PCBP2: variants seen among roughly 807,000 people sequenced by gnomAD.
PCBP2 encodes the protein poly(rC) binding protein 2.
A neutral mutation model predicts 50.1 loss-of-function variants in PCBP2; 4 were observed. The observed-to-expected ratio is 0.08, with a 90% CI of 0.04 to 0.18. The LOEUF is 0.18. Ranked by LOEUF, PCBP2 falls within the 10% of genes least tolerant of loss-of-function variation. PCBP2 has a pLI of 1.00. For missense variants in PCBP2, 161 were observed against 474.3 expected, an observed-to-expected ratio of 0.34 and a Z score of 6.14; for synonymous variants, 179 against 168.0, an observed-to-expected ratio of 1.07 and a Z score of -0.51.
chr12:53,478,020 TA>T (rs542165944), intron 14 of PCBP2, among the ~76,000 whole-genome samples: 58 of 152,336 alleles, frequency 3.8e-4, no homozygotes, highest in African/African-American at 1.4e-3. Flanking sequence ...ACTGAGTACT[TA>T]AATACTTTTC....
intron 2 of PCBP2, among the ~76,000 whole-genome samples, 200 bp from the exon 3 acceptor site, chr12:53,455,147 C>T (rs757277111): frequency 2.0e-5 from 3 of 152,158 alleles, no homozygotes; most frequent in Non-Finnish European, 2.9e-5. Flanking sequence ...CAAGTCCACT[C>T]CCCCCAATAA....
At chr12:53,452,960 C>A (rs1202994858) in intron 1 of PCBP2, 1 of 152,008 alleles carries the variant, frequency 6.6e-6, no homozygotes, top group Non-Finnish European at 1.5e-5. Context: ...CCGAGTTAAT[C>A]AGGACGTTTC....
rs1400076367 is a variant in PCBP2, at chr12:53,452,177, G to GCCCGCCCTCCGCCGCCCTCCA, written c.-267_-247dup. 6.7e-4 allele frequency: 19 copies of GCCCGCCCTCCGCCGCCCTCCA among 28,530 alleles called. No individual in the cohort carries two copies. The highest frequency in any genetic ancestry group is 1.2e-3 in the Non-Finnish European group (17 of 14,502). The allele number at this position is 28,530 out of a possible 1,614,324, so 1.8% of individuals were successfully genotyped here. On this transcript the variant is annotated 5_prime_UTR_variant, in exon 1 of 15. Coordinates refer to ENST00000546463, the MANE Select transcript of PCBP2 (RefSeq NM_031989.5). ...CCGCCCGCCCGCCCTCCGCCCGCCCGCCCGCCCTCCGCCGCCCTCCACCCG... is the reference window on the plus strand; with the variant it reads ...CCGCCCGCCCGCCCTCCGCCCGCCCGCCCGCCCTCCGCCGCCCTCCACCCGCCCTCCGCCGCCCTCCACCCG...
intron 13 of PCBP2, 87 bp downstream of exon 13, chr12:53,468,919 T>TG (rs1942002726): frequency 1.5e-6 from 1 of 660,478 alleles, no homozygotes; most frequent in African/African-American, 2.0e-5. Flanking sequence ...CTGCTACCCT[T>TG]TTTTTTTTTT....
In PCBP2 at chr12:53,459,279, G is replaced by A. The variant is rs1261657942; in HGVS notation, c.251G>A (p.Ser84Asn). 1 of 1,606,662 alleles carries A rather than the reference G, an allele frequency of 6.2e-7. No homozygotes were observed. Among genetic ancestry groups the A allele is most frequent in the Non-Finnish European group, 8.5e-7 (1 of 1,176,178 alleles). Residue 84 changes from serine (S) to asparagine (N), a missense_variant, in exon 6 of 15, where the codon AGC (serine) becomes AAC (asparagine). This residue lies in a region of PCBP2 where 24 missense variants were observed against 37.1 expected (regional missense o/e 0.65). Transcript: ENST00000546463. ...TGTTCTTTCTTTCTGTAGGACATAA[G>A]CAGCTCTATGACCAATAGCACAGCT... ...MIIDKLEEDISSSMTNSTAAS... is the reference protein window; with the variant it reads ...MIIDKLEEDINSSMTNSTAAS...
chr12:53,464,948 G>A, intron 9 of PCBP2, 96 bp downstream of exon 9: 1 of 1,418,174 alleles, frequency 7.1e-7, no homozygotes. Context: ...GGTGATTTTT[G>A]GTGCTGTGGA....
At chr12:53,454,899 A>AGTAACTGCTAGG in intron 2 of PCBP2, 30 bp downstream of exon 2, 1 of 1,575,216 alleles carries the variant, frequency 6.3e-7, no homozygotes, top group Non-Finnish European at 8.7e-7. Flanking sequence ...ATGGGGTCAT[A>AGTAACTGCTAGG]GTAACTGCTA....
intron 14 of PCBP2, among the ~76,000 whole-genome samples, chr12:53,474,560 C>T (rs1942448060): frequency 6.6e-6 from 1 of 152,174 alleles, no homozygotes; most frequent in South Asian, 2.1e-4. Context: ...CGAAATCATT[C>T]CTTCAACATC....
chr12:53,470,541 A>C (rs1275284129), intron 13 of PCBP2, among the ~76,000 whole-genome samples: 1 of 151,606 alleles, frequency 6.6e-6, no homozygotes, highest in Non-Finnish European at 1.5e-5. Flanking sequence ...AGTAGCTGGG[A>C]CCACAGGTGC....
chr12:53,460,541 A>G (rs1941380986), intron 6 of PCBP2: 1 of 205,072 alleles, frequency 4.9e-6, no homozygotes, highest in Non-Finnish European at 1.0e-5. Flanking sequence ...TGAAACTCGA[A>G]TGGCTGCTTG....
chr12:53,476,053 T>G (rs1283966552), intron 14 of PCBP2: 3 of 152,258 alleles, frequency 2.0e-5, no homozygotes, highest in Non-Finnish European at 4.4e-5. Flanking sequence ...AGGCAGCTTC[T>G]GTCTGCATTC....
intron 14 of PCBP2, chr12:53,475,540 C>T: frequency 3.9e-5 from 6 of 155,724 alleles, no homozygotes; most frequent in South Asian, 1.7e-4. Flanking sequence ...ATAAAAGCTG[C>T]TTCGTTAACT....
intron 9 of PCBP2, among the ~76,000 whole-genome samples, chr12:53,465,540 G>A (rs1941756463): frequency 6.6e-6 from 1 of 152,160 alleles, no homozygotes; most frequent in Admixed American, 6.5e-5. Context: ...CACCACAATT[G>A]GTAGAAGGGT....
At chr12:53,474,633 C>G (rs1359591077) in intron 14 of PCBP2, among the ~76,000 whole-genome samples, 1 of 152,120 alleles carries the variant, frequency 6.6e-6, no homozygotes, top group East Asian at 1.9e-4. Flanking sequence ...TCTCTGTCAG[C>G]TTTTTCTTCA....
At chr12:53,462,110 CT>C (rs1458762457) in intron 7 of PCBP2, among the ~76,000 whole-genome samples, 1 of 152,150 alleles carries the variant, frequency 6.6e-6, no homozygotes, top group African/African-American at 2.4e-5. Flanking sequence ...CACTTGAGTA[CT>C]TTATTTGCAG....
intron 6 of PCBP2, chr12:53,460,750 T>C (rs916861630): frequency 3.0e-6 from 1 of 329,636 alleles, no homozygotes; most frequent in Non-Finnish European, 5.8e-6. Flanking sequence ...AAGGCAACTA[T>C]TTAGAAGGAC....
rs893049695 is a variant in PCBP2 at position 53,466,074 on chromosome 12, G to A, written c.714+101G>A. 19 of 938,116 alleles carry A rather than the reference G, an allele frequency of 2.0e-5. No homozygotes were observed. The African/African-American group carries it at 2.9e-4, about 14-fold the overall frequency. 58.1% of individuals were successfully genotyped at this position (938,116 alleles called of 1,614,324 possible). A position where few individuals can be genotyped will look rare whatever the true frequency, so the allele number is the denominator to read the frequency against. ...TAGCCAGAAGTGAGTTGGGTCTTCA[G>A]CATTTGCAGTATTAAGTTGTTTTCT... On this transcript the variant is annotated intron_variant, in intron 10 of 14. Transcript: ENST00000546463.
intron 14 of PCBP2, chr12:53,474,906 G>A (rs751888517): frequency 1.4e-5 from 6 of 440,816 alleles, no homozygotes; most frequent in South Asian, 3.1e-5. Context: ...GGCAGCCTCC[G>A]TCACGATCCC....
chr12:53,463,265 G>A (rs376048402), intron 8 of PCBP2, among the ~76,000 whole-genome samples: 6 of 152,146 alleles, frequency 3.9e-5, no homozygotes, highest in East Asian at 1.9e-4. Context: ...TCTTTGGCAC[G>A]TGGACTATTC....
Sources: gnomAD v4.1 joint callset for allele counts (sites outside exome capture counted in the v4.1 genomes callset) on GRCh38, gnomAD v4.1.1 for gene constraint, gnomAD v4.1.1 regional missense constraint, MANE v1.5 for transcripts, NCBI Gene and HGNC (gene_info 2026-07-23, HGNC 2026-07-21) for gene names.